CEP97: variants seen among roughly 807,000 people sequenced by gnomAD.
CEP97 encodes the protein centrosomal protein 97.
In CEP97, 43 loss-of-function variants were observed where a neutral mutation model predicts 73.1. The ratio of observed to expected loss-of-function variants is 0.59; its 90% confidence interval spans 0.46 to 0.76. CEP97 has a LOEUF of 0.76. Among genes scored for constraint, CEP97 ranks in the 30% least tolerant of loss-of-function variants. The pLI is 0.00. For synonymous variants in CEP97, 337 were observed against 370.0 expected, an observed-to-expected ratio of 0.91 and a Z score of 1.02; for missense variants, 939 against 1,014.0, an observed-to-expected ratio of 0.93 and a Z score of 1.00.
At chr3:101,728,799 G>T (rs1320797240) in intron 3 of CEP97, 37 bp from the exon 4 acceptor site, 1 of 1,302,350 alleles carries the variant, frequency 7.7e-7, no homozygotes, top group Non-Finnish European at 1.1e-6. Context: ...TTTTGATTTT[G>T]TTTTCATTAA....
rs755238116 is a variant in CEP97 at position 101,728,794 on chromosome 3, A to T, written c.346-42A>T. The T allele has an allele frequency of 5.5e-6, 7 of 1,266,044 alleles. No homozygotes were observed. The South Asian group carries it at 6.1e-5, about 11-fold the overall frequency. 78.4% of individuals were successfully genotyped at this position (1,266,044 alleles called of 1,614,324 possible). On this transcript the variant is annotated intron_variant, in intron 3 of 10. Coordinates refer to ENST00000341893, the MANE Select transcript of CEP97 (RefSeq NM_024548.4). ...AACTAGGGAATAATTTTATTTTTTG[A>T]TTTTGTTTTCATTAAATAGTGTGAT...
chr3:101,732,357 C>A, intron 5 of CEP97, 131 bp from the exon 6 acceptor site: 1 of 644,426 alleles, frequency 1.6e-6, no homozygotes, highest in Non-Finnish European at 2.7e-6. Context: ...AGTCAATGGA[C>A]ACTTGTCACT....
chr3:101,735,369 G>A (rs574600370), intron 6 of CEP97, among the ~76,000 whole-genome samples: 112 of 152,294 alleles, frequency 7.4e-4, no homozygotes, highest in Non-Finnish European at 1.3e-3. Context: ...CTCTGGGGTT[G>A]TCCTGCACTA....
intron 6 of CEP97, among the ~76,000 whole-genome samples, chr3:101,752,660 A>C (rs1414952385): frequency 4.6e-5 from 7 of 151,936 alleles, no homozygotes; most frequent in Non-Finnish European, 7.4e-5. Context: ...TCCATCACTG[A>C]TACCCTTTCT....
chr3:101,750,589 A>T (rs1306344385), intron 6 of CEP97, among the ~76,000 whole-genome samples: 1 of 152,118 alleles, frequency 6.6e-6, no homozygotes, highest in Non-Finnish European at 1.5e-5. Flanking sequence ...ACAATTTCAG[A>T]GCCTGTTATT....
chr3:101,765,127 C>T lies in CEP97; in HGVS notation c.2174C>T (p.Thr725Ile). 1 of 1,614,174 alleles carries T rather than the reference C, an allele frequency of 6.2e-7. No homozygotes were observed. Among genetic ancestry groups the T allele is most frequent in the Non-Finnish European group, 8.5e-7 (1 of 1,180,024 alleles). ...TCTTTGGATTTTGAGAAAAGTTCCA[C>T]AGAAGGCAGTGAAAGCTCCATAATG... The part of the protein sequence containing the change: ...QHSLDFEKSS[T>I]EGSESSIMGN... The change falls in exon 11 of 11, where the codon ACA becomes ATA. Residue 725 changes from threonine to isoleucine, a missense_variant. Thr to Ile is a moderately conservative substitution (Grantham distance 89). Coordinates refer to ENST00000341893, the MANE Select transcript of CEP97 (RefSeq NM_024548.4).
intron 6 of CEP97, among the ~76,000 whole-genome samples, chr3:101,751,299 C>A (rs1370206670): frequency 6.6e-6 from 1 of 152,108 alleles, no homozygotes; most frequent in East Asian, 1.9e-4. Flanking sequence ...AATTTCTGTT[C>A]TTTTACATTT....
chr3:101,765,067 CCTCT>C lies in CEP97; in HGVS notation c.2117_2120del (p.Ser706Ter). 1 of 1,614,078 alleles carries C rather than the reference CCTCT, an allele frequency of 6.2e-7. No individual in the cohort carries two copies. Among genetic ancestry groups the C allele is most frequent in the Non-Finnish European group, 8.5e-7 (1 of 1,180,014 alleles). ...GAATTTCCAGACTCTGGTTTTCATT[CCTCT>C]CTAACAGAACAAGTTCATTCATTGC... On this transcript the variant is annotated frameshift_variant, in exon 11 of 11. Transcript: ENST00000341893. LOFTEE classifies it low-confidence loss of function (END_TRUNC).
At chr3:101,751,954 T>G (rs1488841562) in intron 6 of CEP97, among the ~76,000 whole-genome samples, 1 of 152,146 alleles carries the variant, frequency 6.6e-6, no homozygotes, top group African/African-American at 2.4e-5. Context: ...ATCCTGTCAT[T>G]ATGATGTTAG....
intron 10 of CEP97, chr3:101,763,156 T>C (rs962038982): frequency 1.5e-5 from 19 of 1,254,684 alleles, no homozygotes; most frequent in Non-Finnish European, 1.9e-5. Context: ...ACTTCTGGGC[T>C]CAAGCAGTCT....
intron 6 of CEP97, among the ~76,000 whole-genome samples, chr3:101,740,088 C>T (rs1266910684): frequency 1.3e-5 from 2 of 152,146 alleles, no homozygotes; most frequent in East Asian, 1.9e-4. Context: ...CCTCTCTTAC[C>T]ACTCCTATTC....
intron 6 of CEP97, among the ~76,000 whole-genome samples, chr3:101,750,645 G>T (rs1181231800): frequency 2.0e-5 from 3 of 152,180 alleles, no homozygotes; most frequent in African/African-American, 7.2e-5. Context: ...CCTTGGGAGG[G>T]TGTATGTGTC....
At chr3:101,761,354 G>T (rs774774496) in intron 9 of CEP97, among the ~76,000 whole-genome samples, 5 of 152,176 alleles carry the variant, frequency 3.3e-5, no homozygotes, top group Non-Finnish European at 7.4e-5. Flanking sequence ...GGTCTAGGGT[G>T]AGACTATGAG....
rs2107205234 is a variant in CEP97 at position 101,769,508 on chromosome 3, GT to G, written c.*3960del. The G allele has an allele frequency of 6.6e-6, 1 of 151,926 alleles. No individual in the cohort carries two copies. Among genetic ancestry groups the G allele is most frequent in the Non-Finnish European group, 1.5e-5 (1 of 67,974 alleles). 9.4% of individuals were successfully genotyped at this position (151,926 alleles called of 1,614,324 possible). On this transcript the variant is annotated 3_prime_UTR_variant, in exon 11 of 11. Transcript: ENST00000341893. ...TTTTTGTATTTTTAGTAGAGATGGG[GT>G]TTCACCATGTTGGCCAGGCTGGTCT...
At chr3:101,763,104 T>G in intron 10 of CEP97, 1 of 1,189,590 alleles carries the variant, frequency 8.4e-7, no homozygotes, top group Non-Finnish European at 1.1e-6. Flanking sequence ...TCTTCTTTTT[T>G]ATAGAAATGG....
intron 6 of CEP97, among the ~76,000 whole-genome samples, chr3:101,745,429 C>A (rs2107159883): frequency 6.6e-6 from 1 of 152,056 alleles, no homozygotes; most frequent in Admixed American, 6.6e-5. Context: ...AAATTAGCCT[C>A]ATTTTTTAAA....
chr3:101,734,939 A>G (rs190629685), intron 6 of CEP97, among the ~76,000 whole-genome samples: 37 of 152,314 alleles, frequency 2.4e-4, no homozygotes, highest in African/African-American at 8.9e-4. Flanking sequence ...TCTGCTATCT[A>G]TTAGCTGTGT....
chr3:101,758,711 A>G lies in CEP97; in HGVS notation c.1817+288A>G, dbSNP rs942403344. On this transcript the variant is annotated intron_variant, in intron 9 of 10. Transcript: ENST00000341893. ...AGGGATCTATAATTCTAAACATAGA[A>G]AGGTACAGAAAACATTGAAAAACCA... The G allele has an allele frequency of 7.1e-5, 22 of 308,136 alleles. No individual in the cohort carries two copies. In the East Asian group the frequency reaches 1.3e-3, roughly 18 times the overall value. 19.1% of individuals were successfully genotyped at this position (308,136 alleles called of 1,614,324 possible).
At chr3:101,753,330 G>A (rs1938895081) in intron 6 of CEP97, among the ~76,000 whole-genome samples, 1 of 152,170 alleles carries the variant, frequency 6.6e-6, no homozygotes, top group Non-Finnish European at 1.5e-5. Flanking sequence ...CAGTTAGGCT[G>A]CTCAGGGGTC....
Sources: gnomAD v4.1 joint callset for allele counts (sites outside exome capture counted in the v4.1 genomes callset) on GRCh38, gnomAD v4.1.1 for gene constraint, MANE v1.5 for transcripts, NCBI Gene and HGNC (gene_info 2026-07-23, HGNC 2026-07-21) for gene names.